STK31: variants seen among roughly 807,000 people sequenced by gnomAD.
STK31 encodes serine/threonine kinase 31.
STK31 carries 89 observed loss-of-function variants against 129.7 expected under a neutral mutation model. That is an observed-to-expected ratio of 0.69 (90% CI 0.58 to 0.82). The LOEUF (loss-of-function observed/expected upper bound fraction) is 0.82. STK31 is among the 40% of genes least tolerant of loss of function. The pLI is 0.00. For synonymous variants in STK31, 448 were observed against 395.3 expected, an observed-to-expected ratio of 1.13 and a Z score of -1.58; for missense variants, 1,187 against 1,176.4, an observed-to-expected ratio of 1.01 and a Z score of -0.13.
intron 9 of STK31, 80 bp from the exon 10 acceptor site, chr7:23,754,235 A>G: frequency 6.9e-7 from 1 of 1,451,552 alleles, no homozygotes; most frequent in Non-Finnish European, 9.4e-7. Flanking sequence ...CTTTTAGACC[A>G]TTACTATTAA....
chr7:23,781,415 C>A lies in STK31; in HGVS notation c.1966-4C>A. On this transcript the variant is annotated splice_polypyrimidine_tract_variant and splice_region_variant and intron_variant, in intron 15 of 23. Transcript: ENST00000355870. ...TAAAAAACACTTTTTCTTTCTGATT[C>A]AAGTCAGATGATCCTGATGGCTCTC... 1.3e-6 allele frequency: 2 copies of A among 1,596,966 alleles called. No individual in the cohort carries two copies. The highest frequency in any genetic ancestry group is 1.7e-6 in the Non-Finnish European group (2 of 1,173,138).
chr7:23,760,804 G>T (rs928043751), intron 10 of STK31, among the ~76,000 whole-genome samples: 5 of 36,152 alleles, frequency 1.4e-4, no homozygotes, highest in South Asian at 6.8e-4. Context: ...GACTACAGGC[G>T]GTGTACTACC....
chr7:23,807,916 T>C (rs73084767), intron 22 of STK31, among the ~76,000 whole-genome samples: 3,759 of 152,018 alleles, frequency 0.025, 86 homozygotes, highest in African/African-American at 0.062. Flanking sequence ...TGTCTTCTGT[T>C]TCTTTGCTTT....
chr7:23,807,703 G>A (rs1414199225), intron 22 of STK31, among the ~76,000 whole-genome samples: 1 of 151,654 alleles, frequency 6.6e-6, no homozygotes, highest in African/African-American at 2.4e-5. Flanking sequence ...TGTCTCACAG[G>A]TTCTTGGGGC....
At chr7:23,800,811 T>G (rs1792321043) in intron 22 of STK31, among the ~76,000 whole-genome samples, 1 of 150,226 alleles carries the variant, frequency 6.7e-6, no homozygotes, top group Non-Finnish European at 1.5e-5. Context: ...TATCATACAG[T>G]ATATAATTTT....
chr7:23,750,799 A>G (rs1055571974), intron 8 of STK31, among the ~76,000 whole-genome samples: 2 of 152,184 alleles, frequency 1.3e-5, no homozygotes, highest in African/African-American at 4.8e-5. Flanking sequence ...ATATTTTGTC[A>G]TATGCCTAGA....
At chr7:23,713,999 AAT>A (rs1452699324) in intron 3 of STK31, among the ~76,000 whole-genome samples, 1 of 152,168 alleles carries the variant, frequency 6.6e-6, no homozygotes, top group African/African-American at 2.4e-5. Context: ...CATCACCACA[AAT>A]ATGTGAGTAA....
rs544215869 is a variant in STK31 at position 23,827,476 on chromosome 7, G to A, written c.2830-4660G>A. 3.9e-5 allele frequency among the ~76,000 whole-genome samples: 6 copies of A among 152,166 alleles called. No individual in the cohort carries two copies. In the East Asian group the frequency reaches 9.6e-4, roughly 24 times the overall value. On this transcript the variant is annotated intron_variant, in intron 23 of 23. Transcript: ENST00000355870. Reference sequence around the variant, plus strand: ...GTCCTTTAAGGACTTCTCTGCATTGGTTATTCTAGTTATCCATTTGTCTTA... The same window carrying A: ...GTCCTTTAAGGACTTCTCTGCATTGATTATTCTAGTTATCCATTTGTCTTA...
chr7:23,779,277 C>T (rs1015306274), intron 15 of STK31, among the ~76,000 whole-genome samples: 3 of 152,192 alleles, frequency 2.0e-5, no homozygotes, highest in African/African-American at 4.8e-5. Flanking sequence ...TGTCTGTCGT[C>T]CCCTGCTGGG....
chr7:23,815,340 G>GA, intron 23 of STK31, 128 bp downstream of exon 23: 1 of 661,008 alleles, frequency 1.5e-6, no homozygotes, highest in Non-Finnish European at 2.4e-6. Context: ...ATGAAGTATT[G>GA]AAAAAAATTC....
rs760275259 is a variant in STK31 at position 23,766,714 on chromosome 7, ATTTC to A, written c.1417-2277_1417-2274del. Among the ~76,000 whole-genome samples, 5 of 152,136 alleles carry A rather than the reference ATTTC, an allele frequency of 3.3e-5. No individual in the cohort carries two copies. In the East Asian group the frequency reaches 7.7e-4, roughly 23 times the overall value. Reference sequence around the variant, plus strand: ...GCCAGTTCAGTCTGAGGTTTTATATATTTCTTTAATTGTAGGTAATACTTGATAA... The same window carrying A: ...GCCAGTTCAGTCTGAGGTTTTATATATTTAATTGTAGGTAATACTTGATAA... On this transcript the variant is annotated intron_variant, in intron 11 of 23. Transcript: ENST00000355870.
intron 20 of STK31, 27 bp downstream of exon 20, chr7:23,786,951 A>G (rs1562602072): frequency 6.3e-7 from 1 of 1,587,290 alleles, no homozygotes; most frequent in Non-Finnish European, 8.6e-7. Flanking sequence ...ATTTATTTCC[A>G]TGGATGTATT....
intron 8 of STK31, among the ~76,000 whole-genome samples, chr7:23,750,858 AT>A (rs1200252156): frequency 6.6e-6 from 1 of 152,176 alleles, no homozygotes; most frequent in Non-Finnish European, 1.5e-5. Context: ...CACCTCAAGG[AT>A]TTATCATTTC....
intron 22 of STK31, among the ~76,000 whole-genome samples, chr7:23,810,814 A>G (rs938519421): frequency 5.7e-5 from 8 of 140,978 alleles, no homozygotes; most frequent in Non-Finnish European, 1.2e-4. Context: ...ATATATTTGT[A>G]TATAAATATG....
Position 23,769,403 on chromosome 7 carries a change from A to G in STK31, c.1596+229A>G, listed in dbSNP as rs145816942. On this transcript the variant is annotated intron_variant, in intron 12 of 23. Coordinates refer to ENST00000355870, the MANE Select transcript of STK31 (RefSeq NM_031414.5). ...TTCCTCCTTTTTCTCAGCTTTTCCT[A>G]AGGATTGTCCTCTTTCCTCTTTTAA... Among the ~76,000 whole-genome samples, 3 of 152,140 alleles carry G rather than the reference A, an allele frequency of 2.0e-5. No individual in the cohort carries two copies. The East Asian group carries it at 5.8e-4, about 29-fold the overall frequency.
At chr7:23,800,936 C>T (rs1252691078) in intron 22 of STK31, among the ~76,000 whole-genome samples, 4 of 152,010 alleles carry the variant, frequency 2.6e-5, no homozygotes, top group African/African-American at 9.7e-5. Flanking sequence ...TATGTACATA[C>T]CAAATTTGTT....
intron 23 of STK31, among the ~76,000 whole-genome samples, chr7:23,817,012 C>T (rs990874493): frequency 3.3e-5 from 5 of 151,942 alleles, no homozygotes; most frequent in African/African-American, 9.7e-5. Context: ...ATGGTGAAAC[C>T]CTGTCTGTAC....
At chr7:23,710,588 T>A (rs1015320606) in intron 1 of STK31, 106 of 1,333,836 alleles carry the variant, frequency 7.9e-5, no homozygotes, top group Non-Finnish European at 9.3e-5. Context: ...GCCTCCACAC[T>A]CTCTTCCCCT....
intron 8 of STK31, among the ~76,000 whole-genome samples, chr7:23,746,601 A>G (rs992714037): frequency 1.3e-5 from 2 of 152,170 alleles, no homozygotes; most frequent in African/African-American, 4.8e-5. Context: ...TGTGTGTTAT[A>G]TTTATTGTAT....
Sources: allele counts gnomAD v4.1 joint callset (sites outside exome capture counted in the v4.1 genomes callset), GRCh38; gene constraint gnomAD v4.1.1; transcripts MANE v1.5; gene names NCBI Gene and HGNC (gene_info 2026-07-23, HGNC 2026-07-21).